ANO10: variants seen among roughly 807,000 people sequenced by gnomAD.
ANO10 encodes the protein anoctamin 10.
Under a neutral mutation model 74.7 loss-of-function variants are expected in ANO10, and 77 were observed. The ratio of observed to expected loss-of-function variants is 1.03; its 90% confidence interval spans 0.86 to 1.25. ANO10 has a LOEUF of 1.25. Ranked by LOEUF, ANO10 falls within the 50% of genes most tolerant of loss-of-function variation. The probability of loss-of-function intolerance (pLI) is 0.00; values close to 1 mark genes in which losing one functional copy is unlikely to be tolerated. For synonymous variants in ANO10, 279 were observed against 284.9 expected (o/e 0.98, Z 0.21); for missense variants, 721 against 778.1 (o/e 0.93, Z 0.87).
At chr3:43,515,755 C>T (rs1041615435) in intron 11 of ANO10, among the ~76,000 whole-genome samples, 9 of 152,230 alleles carry the variant, frequency 5.9e-5, no homozygotes, top group East Asian at 1.9e-4. Flanking sequence ...TGGACACAAT[C>T]GAGATAACTT....
intron 12 of ANO10, among the ~76,000 whole-genome samples, chr3:43,400,751 G>C (rs1044689424): frequency 1.3e-5 from 2 of 152,146 alleles, no homozygotes; most frequent in Admixed American, 1.3e-4. Context: ...CTGAACTCCA[G>C]CCTGGGAGAG....
intron 1 of ANO10, among the ~76,000 whole-genome samples, chr3:43,647,153 A>ATGTG (rs57290936): frequency 0.19 from 27,571 of 141,634 alleles, 2,787 homozygotes; most frequent in Non-Finnish European, 0.23. Flanking sequence ...ATGTGTATAT[A>ATGTG]TGTGTGTGTG....
At chr3:43,570,353 C>G (rs2080633131) in intron 7 of ANO10, among the ~76,000 whole-genome samples, 1 of 151,008 alleles carries the variant, frequency 6.6e-6, no homozygotes, top group Non-Finnish European at 1.5e-5. Flanking sequence ...CATATGGAAC[C>G]AAAAAAGAGC....
chr3:43,446,041 C>A (rs981454654), intron 11 of ANO10, among the ~76,000 whole-genome samples: 1 of 152,108 alleles, frequency 6.6e-6, no homozygotes. Flanking sequence ...AGACAAGAAG[C>A]CTGGCGGAGA....
chr3:43,412,214 C>A (rs1013580679), intron 12 of ANO10, among the ~76,000 whole-genome samples: 1 of 152,054 alleles, frequency 6.6e-6, no homozygotes, highest in African/African-American at 2.4e-5. Context: ...ACCCCCTCTG[C>A]CCTCTCCTAC....
chr3:43,553,537 C>CTTTTTTTT (rs1259828062), intron 10 of ANO10, among the ~76,000 whole-genome samples: 22 of 102,578 alleles, frequency 2.1e-4, no homozygotes, highest in African/African-American at 9.1e-4. Context: ...GATAATTTCT[C>CTTTTTTTT]TCTTTTTTTT....
At chr3:43,639,866 A>G (rs2083654376) in intron 1 of ANO10, among the ~76,000 whole-genome samples, 1 of 152,144 alleles carries the variant, frequency 6.6e-6, no homozygotes, top group Non-Finnish European at 1.5e-5. Context: ...ATACTTTCAG[A>G]TATGAGCCTG....
upstream of ANO10, among the ~76,000 whole-genome samples, chr3:43,626,832 A>G (rs1472008739): frequency 4.6e-5 from 7 of 152,200 alleles, no homozygotes; most frequent in Non-Finnish European, 8.8e-5. Context: ...TCTCTGTACC[A>G]GAATCATAAG....
intron 11 of ANO10, among the ~76,000 whole-genome samples, chr3:43,508,574 G>C (rs2077383744): frequency 6.6e-6 from 1 of 152,158 alleles, no homozygotes. Flanking sequence ...ACTGGATTAA[G>C]AAAATGTGGC....
intron 1 of ANO10, among the ~76,000 whole-genome samples, chr3:43,651,492 A>C: frequency 6.6e-6 from 1 of 152,180 alleles, no homozygotes; most frequent in East Asian, 1.9e-4. Flanking sequence ...ATAGAAGTAA[A>C]GTGTCTTAAA....
chr3:43,630,666 T>C (rs1174738810), intron 1 of ANO10, among the ~76,000 whole-genome samples: 1 of 152,242 alleles, frequency 6.6e-6, no homozygotes, highest in African/African-American at 2.4e-5. Flanking sequence ...AGAGCACAAG[T>C]AACTCATTCA....
intron 12 of ANO10, among the ~76,000 whole-genome samples, chr3:43,403,493 G>C (rs1476477596): frequency 1.3e-5 from 2 of 152,164 alleles, no homozygotes; most frequent in Non-Finnish European, 2.9e-5. Context: ...AGGGCAGCAG[G>C]AGAAGGGCCG....
upstream of ANO10, among the ~76,000 whole-genome samples, chr3:43,623,506 G>C (rs142862023): frequency 7.6e-4 from 115 of 152,228 alleles, 1 homozygote; most frequent in African/African-American, 2.7e-3. Flanking sequence ...AACAGTGTTA[G>C]GTCCATAGCA....
intron 12 of ANO10, among the ~76,000 whole-genome samples, chr3:43,417,944 A>C (rs1559525294): frequency 1.3e-5 from 2 of 152,160 alleles, no homozygotes; most frequent in Admixed American, 1.3e-4. Flanking sequence ...AGTCCAAAGA[A>C]TTGTCTTGGA....
chr3:43,633,995 CAAAAAA>C lies in ANO10; in HGVS notation c.-11-28138_-11-28133del, dbSNP rs5848667. On this transcript the variant is annotated intron_variant, in intron 1 of 3. Transcript: ENST00000413397. ...ACATTATCTTTCTTATCATGGACAG[CAAAAAA>C]AAAAAAAAAAAAAATCTGCCACTAT... Among the ~76,000 whole-genome samples the C allele has an allele frequency of 3.4e-4, 42 of 124,012 alleles. No homozygotes were observed. In the South Asian group the frequency reaches 8.1e-3, roughly 24 times the overall value. 81.4% of individuals were successfully genotyped at this position (124,012 alleles called of 152,430 possible).
intron 11 of ANO10, among the ~76,000 whole-genome samples, chr3:43,461,452 G>C (rs1275942031): frequency 1.3e-5 from 2 of 152,218 alleles, no homozygotes; most frequent in Non-Finnish European, 2.9e-5. Context: ...AATTGATATG[G>C]TTTGGCTGTG....
intron 12 of ANO10, among the ~76,000 whole-genome samples, chr3:43,416,844 A>G (rs1346337643): frequency 6.6e-6 from 1 of 152,240 alleles, no homozygotes; most frequent in Admixed American, 6.5e-5. Flanking sequence ...TGGGGAGGCA[A>G]GTCCATTTGA....
intron 11 of ANO10, among the ~76,000 whole-genome samples, chr3:43,433,422 C>T (rs2148945047): frequency 6.6e-6 from 1 of 152,276 alleles, no homozygotes; most frequent in South Asian, 2.1e-4. Flanking sequence ...CCCTGTGCTG[C>T]ACTTCAGTTT....
chr3:43,583,460 C>G (rs1179847082), intron 4 of ANO10, among the ~76,000 whole-genome samples: 1 of 152,190 alleles, frequency 6.6e-6, no homozygotes, highest in African/African-American at 2.4e-5. Context: ...AAATCAAAAT[C>G]TAGTTTAAGA....
Sources: gnomAD v4.1 joint callset for allele counts (sites outside exome capture counted in the v4.1 genomes callset) on GRCh38, gnomAD v4.1.1 for gene constraint, MANE v1.5 for transcripts, NCBI Gene and HGNC (gene_info 2026-07-23, HGNC 2026-07-21) for gene names.